The following DNAH9 variants were observed in gnomAD, a reference collection of about 807,000 sequenced individuals.
The protein encoded by DNAH9 is DNAH9 variant protein.
A neutral mutation model predicts 471.6 loss-of-function variants in DNAH9; 345 were observed. That is an observed-to-expected ratio of 0.73 (90% CI 0.67 to 0.80). DNAH9 has a LOEUF of 0.80. Ranked by LOEUF, DNAH9 falls within the 30% of genes least tolerant of loss-of-function variation. The pLI, the probability that DNAH9 is intolerant of heterozygous loss-of-function variation, is 0.00. For missense variants in DNAH9, 5,407 were observed against 5,609.2 expected (o/e 0.96, Z 1.15); for synonymous variants, 2,093 against 2,123.6 (o/e 0.99, Z 0.40).
In DNAH9 at chr17:11,781,150, G is replaced by A. The variant is rs147989905; in HGVS notation, c.7694G>A (p.Arg2565Gln). The A allele has an allele frequency of 5.8e-5, 93 of 1,613,970 alleles. No homozygotes were observed. The highest frequency in any genetic ancestry group is 8.0e-5 in the African/African-American group (6 of 74,914). The stretch of plus-strand genomic sequence containing the variant: ...ACGGTGCAGCCCCACACCATCATCC[G>A]GCAGCATCTGGACTATGGCCACTGG... ...YGTVQPHTII[R>Q]QHLDYGHWYD... is the part of the protein sequence containing the mutation. Residue 2565 changes from arginine (R) to glutamine (Q), a missense_variant, in exon 39 of 69, where the codon CGG (arginine) becomes CAG (glutamine). By Grantham distance (43) the Arg-to-Gln change is conservative (BLOSUM62 1). Around this residue, in one of 3 missense-constraint regions of DNAH9, gnomAD observed 4,636 missense variants for 4,900.3 expected, o/e 0.95. Transcript: ENST00000262442.
rs11440277 is a variant in DNAH9 at position 11,620,511 on chromosome 17, C to CAA, written c.1350+747_1350+748dup. On this transcript the variant is annotated intron_variant, in intron 6 of 68. Coordinates refer to ENST00000262442, the MANE Select transcript of DNAH9 (RefSeq NM_001372.4). ...TGGGTGACAGAACGAGACTCTGTCT[C>CAA]AAAAAAAAAAAAAAAAAAGAAGTTT... 7.3e-3 allele frequency among the ~76,000 whole-genome samples: 860 copies of CAA among 118,428 alleles called. 11 individuals are homozygous for CAA. The highest frequency in any genetic ancestry group is 0.02 in the Middle Eastern group (4 of 202). 77.7% of individuals were successfully genotyped at this position (118,428 alleles called of 152,430 possible).
intron 37 of DNAH9, 57 bp from the exon 38 acceptor site, chr17:11,769,065 T>G: frequency 6.3e-7 from 1 of 1,577,290 alleles, no homozygotes; most frequent in East Asian, 2.2e-5. Flanking sequence ...ACGCCGCTGG[T>G]GCATCTGTTT....
chr17:11,747,914 G>A (rs538619083), intron 32 of DNAH9, 148 bp downstream of exon 32: 13 of 712,480 alleles, frequency 1.8e-5, no homozygotes, highest in African/African-American at 1.4e-4. Context: ...AGTAGAAAGG[G>A]AGAAACCAAT....
At chr17:11,938,865 C>T (rs1239354520) in intron 66 of DNAH9, among the ~76,000 whole-genome samples, 5 of 152,102 alleles carry the variant, frequency 3.3e-5, no homozygotes, top group Admixed American at 3.3e-4. Flanking sequence ...TCCCAAAGTG[C>T]TAGGATTATA....
At chr17:11,774,953 T>C (rs1190961064) in intron 38 of DNAH9, among the ~76,000 whole-genome samples, 1 of 152,168 alleles carries the variant, frequency 6.6e-6, no homozygotes, top group African/African-American at 2.4e-5. Context: ...GAAATCATCA[T>C]AATTGAAATA....
At chr17:11,889,895 T>C (rs535543931) in intron 57 of DNAH9, among the ~76,000 whole-genome samples, 24 of 152,294 alleles carry the variant, frequency 1.6e-4, no homozygotes, top group Admixed American at 8.5e-4. Context: ...GAAGGGACCT[T>C]CTGGAGGATG....
At chr17:11,926,524 C>G (rs151295532) in intron 62 of DNAH9, among the ~76,000 whole-genome samples, 66 of 152,234 alleles carry the variant, frequency 4.3e-4, no homozygotes, top group Middle Eastern at 3.4e-3. Context: ...TTTCTGTTCC[C>G]GCTTTAGTTT....
At position 11,940,043 on chromosome 17, in the gene DNAH9, G is replaced by T. The variant is rs141500565; in HGVS notation, c.12661-2260G>T. 2.2e-3 allele frequency among the ~76,000 whole-genome samples: 338 copies of T among 152,378 alleles called. 1 individual carries two copies. Among genetic ancestry groups the T allele is most frequent in the Admixed American group, 3.2e-3 (49 of 15,308 alleles). Reference sequence around the variant, plus strand: ...GAACAGTGTTTTTCTCCCACAGGGGGAAGAGTTAAGACTATAGGAGGACTT... The same window carrying T: ...GAACAGTGTTTTTCTCCCACAGGGGTAAGAGTTAAGACTATAGGAGGACTT... On this transcript the variant is annotated intron_variant, in intron 66 of 68. Transcript: ENST00000262442.
chr17:11,931,939 A>T, intron 63 of DNAH9, 75 bp from the exon 64 acceptor site: 1 of 1,532,892 alleles, frequency 6.5e-7, no homozygotes, highest in Non-Finnish European at 8.9e-7. Context: ...ACGAACCCTG[A>T]TTGTAACCTC....
chr17:11,606,476 G>A (rs1489624089), intron 1 of DNAH9, among the ~76,000 whole-genome samples: 6 of 99,682 alleles, frequency 6.0e-5, no homozygotes, highest in African/African-American at 2.1e-4. Context: ...TTGAGACAGA[G>A]TCTTGCTCTG....
Position 11,764,937 on chromosome 17 carries a change from A to G in DNAH9, c.7170+1323A>G, listed in dbSNP as rs572521069. Among the ~76,000 whole-genome samples the G allele has an allele frequency of 1.7e-4, 26 of 152,344 alleles. No individual in the cohort carries two copies. In the South Asian group the frequency reaches 3.7e-3, roughly 22 times the overall value. ...CAGCTTTTTGTATATCAGTCATACC[A>G]CAATAAAGTGATTTTAAAAAATAGC... is the stretch of plus-strand genomic sequence containing the variant. On this transcript the variant is annotated intron_variant, in intron 36 of 68. Transcript: ENST00000262442.
rs552383737 is a variant in DNAH9 at position 11,871,751 on chromosome 17, G to A, written c.10207G>A (p.Asp3403Asn). 1.2e-6 allele frequency: 2 copies of A among 1,614,150 alleles called. No homozygotes were observed. Among genetic ancestry groups the A allele is most frequent in the South Asian group, 2.2e-5 (2 of 91,074 alleles). ...AAAGAAATACCGGCAGAGCCTCCTG[G>A]ACAGAACTTGGAGGCCCTACCTGAG... ...FTKKYRQSLLDRTWRPYLSQL... is the reference protein window; with the variant it reads ...FTKKYRQSLLNRTWRPYLSQL... Residue 3403 changes from aspartate to asparagine, a missense_variant, in exon 52 of 69, where the codon GAC becomes AAC. Asp to Asn is a conservative substitution (Grantham distance 23). This residue lies in a region of DNAH9 where 4,636 missense variants were observed against 4,900.3 expected (regional missense o/e 0.95). Transcript: ENST00000262442.
At chr17:11,688,556 G>A (rs2074278545) in intron 19 of DNAH9, among the ~76,000 whole-genome samples, 1 of 152,212 alleles carries the variant, frequency 6.6e-6, no homozygotes, top group South Asian at 2.1e-4. Flanking sequence ...GCTGATGCAG[G>A]CACCAGTGTG....
intron 35 of DNAH9, among the ~76,000 whole-genome samples, chr17:11,762,765 T>TTTTTTTTG (rs1555584599): frequency 3.2e-5 from 3 of 94,580 alleles, no homozygotes; most frequent in Non-Finnish European, 6.7e-5. Flanking sequence ...TGCGTTTTTT[T>TTTTTTTTG]TTTTGTTTTT....
chr17:11,910,026 C>A (rs903941681), intron 61 of DNAH9, among the ~76,000 whole-genome samples: 10 of 152,062 alleles, frequency 6.6e-5, no homozygotes. Context: ...GGAGGAGAGG[C>A]AGGTGGATCA....
intron 65 of DNAH9, among the ~76,000 whole-genome samples, chr17:11,935,214 G>A (rs1384738729): frequency 2.6e-5 from 4 of 151,318 alleles, no homozygotes; most frequent in Non-Finnish European, 4.4e-5. Context: ...CACCTGCCTC[G>A]GCCTCCCAAA....
chr17:11,852,463 C>T (rs1357516550), intron 49 of DNAH9, among the ~76,000 whole-genome samples: 4 of 152,008 alleles, frequency 2.6e-5, no homozygotes, highest in East Asian at 1.9e-4. Context: ...TTTATATTGG[C>T]GGATCCCCTT....
chr17:11,943,928 G>A (rs1460937412), intron 67 of DNAH9, among the ~76,000 whole-genome samples: 2 of 114,874 alleles, frequency 1.7e-5, no homozygotes, highest in African/African-American at 6.0e-5. Context: ...TTCCATTACT[G>A]AGTACGCAGG....
chr17:11,697,231 G>A (rs1449319385), intron 22 of DNAH9, among the ~76,000 whole-genome samples: 1 of 152,160 alleles, frequency 6.6e-6, no homozygotes, highest in East Asian at 1.9e-4. Context: ...CCTAAGAGGT[G>A]AAGCATGGTG....
Sources: allele counts gnomAD v4.1 joint callset (sites outside exome capture counted in the v4.1 genomes callset), GRCh38; gene constraint gnomAD v4.1.1; regional missense constraint gnomAD v4.1.1; transcripts MANE v1.5; gene names NCBI Gene and HGNC (gene_info 2026-07-23, HGNC 2026-07-21).